PEG3: variants seen among roughly 807,000 people sequenced by gnomAD.
PEG3 encodes paternally expressed 3, also known as paternally-expressed gene 3 protein.
A neutral mutation model predicts 35.5 loss-of-function variants in PEG3; 23 were observed. The ratio of observed to expected loss-of-function variants is 0.65; its 90% CI spans 0.47 to 0.92. The LOEUF is 0.92. Ranked by LOEUF, PEG3 falls within the 40% of genes least tolerant of loss-of-function variation. PEG3 has a pLI of 0.00. For synonymous variants in PEG3, 707 were observed against 697.0 expected (o/e 1.01, Z -0.23); for missense variants, 1,960 against 1,985.3 (o/e 0.99, Z 0.24).
chr19:56,824,160 G>A, intron 4 of PEG3, 102 bp downstream of exon 4: 2 of 1,514,176 alleles, frequency 1.3e-6, no homozygotes, highest in East Asian at 2.3e-5. Flanking sequence ...GCCCAGGACA[G>A]AGAGTTATCC....
chr19:56,824,686 C>A lies in PEG3; in HGVS notation c.-31G>T. On this transcript the variant is annotated 5_prime_UTR_variant, in exon 4 of 10. Transcript: ENST00000326441. ...TAAGTAAAATTTTCACTGGAGGAAC[C>A]AAACATGAGTCAACAGGAAAGACGC... is the stretch of plus-strand genomic sequence containing the variant. 1.3e-6 allele frequency: 2 copies of A among 1,572,746 alleles called. No homozygotes were observed. Among genetic ancestry groups the A allele is most frequent in the South Asian group, 1.2e-5 (1 of 85,612 alleles).
chr19:56,816,600 A>C lies in PEG3; in HGVS notation c.1842T>G (p.Leu614=). 6.2e-7 allele frequency: 1 copy of C among 1,613,970 alleles called. No homozygotes were observed. The highest frequency in any genetic ancestry group is 8.5e-7 in the Non-Finnish European group (1 of 1,179,940). The change falls in exon 10 of 10, where the codon CTT becomes CTG. Residue 614 remains leucine, a synonymous_variant. Coordinates refer to ENST00000326441, the MANE Select transcript of PEG3 (RefSeq NM_006210.3). ...TACCATACATTTTCTGAAACTCATT[A>C]AGGGCTGGGCTGGGCCTAAAGGTTT... ...RGETFRPSPA[L]NEFQKMYGKE...
chr19:56,813,381 A>ATTT lies in PEG3; in HGVS notation c.*293_*294insAAA. 8.4e-7 allele frequency: 1 copy of ATTT among 1,186,550 alleles called. No individual in the cohort carries two copies. Among genetic ancestry groups the ATTT allele is most frequent in the East Asian group, 4.1e-5 (1 of 24,506 alleles). 73.5% of individuals were successfully genotyped at this position (1,186,550 alleles called of 1,614,324 possible). A position where few individuals can be genotyped will look rare whatever the true frequency, so the allele number is the denominator to read the frequency against. On this transcript the variant is annotated 3_prime_UTR_variant, in exon 10 of 10. Transcript: ENST00000326441. ...AGTGTCATTTACAGTTGATTTGGGC[A>ATTT]AACTCTGTAGTCTGGAATACTCATA...
intron 7 of PEG3, among the ~76,000 whole-genome samples, chr19:56,819,488 G>C (rs2060276255): frequency 6.6e-6 from 1 of 152,166 alleles, no homozygotes; most frequent in Non-Finnish European, 1.5e-5. Context: ...CTGGTTTCAG[G>C]GAGTCATGGT....
At chr19:56,818,560 A>G in intron 8 of PEG3, 40 bp downstream of exon 8, 9 of 1,608,794 alleles carry the variant, frequency 5.6e-6, no homozygotes, top group East Asian at 2.2e-5. Flanking sequence ...AAATGCTCCA[A>G]TGACTGGACT....
In PEG3 at chr19:56,823,617, G is replaced by A. The variant is rs778044630; in HGVS notation, c.457C>T (p.Pro153Ser). Residue 153 changes from proline (P) to serine (S), a missense_variant, in exon 5 of 10, where the codon CCA (proline) becomes TCA (serine). By Grantham distance (74) the Pro-to-Ser change is moderately conservative. Around this residue, in one of 5 missense-constraint regions of PEG3, gnomAD observed 613 missense variants for 577.1 expected, o/e 1.06. Transcript: ENST00000326441. ...CTGAAAGAATGGACTGAGTGAGGTG[G>A]TGAGGACTCTCTTCTGTTCCGGGTC... ...DMTRNRRESS[P>S]PHSVHSFSDR... is the part of the protein sequence containing the mutation. The A allele has an allele frequency of 1.1e-5, 17 of 1,614,004 alleles. No individual in the cohort carries two copies. Among genetic ancestry groups the A allele is most frequent in the Non-Finnish European group, 1.4e-5 (17 of 1,180,032 alleles).
At position 56,824,679 on chromosome 19, in the gene PEG3, G is replaced by C; in HGVS notation, c.-24C>G. On this transcript the variant is annotated 5_prime_UTR_variant, in exon 4 of 10. Transcript: ENST00000326441. ...ATTTCTCTAAGTAAAATTTTCACTG[G>C]AGGAACCAAACATGAGTCAACAGGA... The C allele has an allele frequency of 5.7e-6, 9 of 1,580,968 alleles. No individual in the cohort carries two copies. The highest frequency in any genetic ancestry group is 7.7e-6 in the Non-Finnish European group (9 of 1,161,902).
chr19:56,811,087 G>A lies in PEG3; in HGVS notation c.*2588C>T, dbSNP rs1335240674. ...AAGAGGAGAGTATATGTCTTTGGAT[G>A]GTGGGGATATGATTTTTTTTCCTCC... On this transcript the variant is annotated 3_prime_UTR_variant, in exon 10 of 10. Transcript: ENST00000326441. 4 of 984,706 alleles carry A rather than the reference G, an allele frequency of 4.1e-6. No homozygotes were observed. Among genetic ancestry groups the A allele is most frequent in the African/African-American group, 3.5e-5 (2 of 57,326 alleles). The allele number at this position is 984,706 out of a possible 1,614,324, so 61.0% of individuals were successfully genotyped here.
chr19:56,838,538 T>C (rs1039607038), intron 1 of PEG3, among the ~76,000 whole-genome samples: 1 of 151,954 alleles, frequency 6.6e-6, no homozygotes, highest in African/African-American at 2.4e-5. Context: ...ATACACAAGA[T>C]GGAACCACAC....
In PEG3 at chr19:56,814,204, A is replaced by T; in HGVS notation, c.4238T>A (p.Val1413Glu). 1 of 1,610,908 alleles carries T rather than the reference A, an allele frequency of 6.2e-7. No homozygotes were observed. The highest frequency in any genetic ancestry group is 8.5e-7 in the Non-Finnish European group (1 of 1,178,126). Reference sequence around the variant, plus strand: ...CTCTCCGTTTGGCTCAGCAGCCTCCACTTCTGGCTCAGCAGCCTCCACTTC... The same window carrying T: ...CTCTCCGTTTGGCTCAGCAGCCTCCTCTTCTGGCTCAGCAGCCTCCACTTC... ...EPEVEAAEPE[V>E]EAAEPNGEAE... Residue 1413 changes from valine to glutamate, a missense_variant, in exon 10 of 10, where the codon GTG becomes GAG. Val to Glu is a moderately radical substitution (Grantham distance 121). This residue lies in a region of PEG3 where 416 missense variants were observed against 416.7 expected (regional missense o/e 1.00). Coordinates refer to ENST00000326441, the MANE Select transcript of PEG3 (RefSeq NM_006210.3). The surrounding 1 kb of genome is among the most constrained non-coding windows in gnomAD (Gnocchi z 5.8).
At chr19:56,818,052 T>C (rs1310417180) in intron 8 of PEG3, among the ~76,000 whole-genome samples, 2 of 152,238 alleles carry the variant, frequency 1.3e-5, no homozygotes, top group Non-Finnish European at 2.9e-5. Context: ...CACTCAGAAA[T>C]GTGTACAAAG....
chr19:56,814,177 G>A lies in PEG3; in HGVS notation c.4265C>T (p.Ala1422Val). 1 of 1,614,070 alleles carries A rather than the reference G, an allele frequency of 6.2e-7. No individual in the cohort carries two copies. The highest frequency in any genetic ancestry group is 8.5e-7 in the Non-Finnish European group (1 of 1,180,034). Reference sequence around the variant, plus strand: ...TGCAGCCTCTCCATCTGGCCCTTCAGCCTCTCCGTTTGGCTCAGCAGCCTC... The same window carrying A: ...TGCAGCCTCTCCATCTGGCCCTTCAACCTCTCCGTTTGGCTCAGCAGCCTC... ...EVEAAEPNGE[A>V]EGPDGEAAEP... The change falls in exon 10 of 10, where the codon GCT (alanine) becomes GTT (valine). Residue 1422 changes from alanine (A) to valine (V), a missense_variant. Physicochemically the swap from Ala to Val is moderately conservative, Grantham distance 64. Transcript: ENST00000326441. This position sits in a 1 kb window ranked among gnomAD's most constrained non-coding sequence, Gnocchi z 5.8.
rs773857198 is a variant in PEG3 at position 56,811,815 on chromosome 19, G to A, written c.*1860C>T. 5 of 985,196 alleles carry A rather than the reference G, an allele frequency of 5.1e-6. No individual in the cohort carries two copies. The highest frequency in any genetic ancestry group is 4.8e-6 in the Non-Finnish European group (4 of 829,986). 61.0% of individuals were successfully genotyped at this position (985,196 alleles called of 1,614,324 possible). A position where few individuals can be genotyped will look rare whatever the true frequency, so the allele number is the denominator to read the frequency against. On this transcript the variant is annotated 3_prime_UTR_variant, in exon 10 of 10. Transcript: ENST00000326441. ...TTTTCCAAACTGCTCAGGACACCCC[G>A]CTCAATTCATTCTCAGAAACCTGGC...
chr19:56,826,025 G>C (rs1296532760), intron 3 of PEG3, among the ~76,000 whole-genome samples: 1 of 152,140 alleles, frequency 6.6e-6, no homozygotes, highest in African/African-American at 2.4e-5. Context: ...ACCATCCAAT[G>C]CAAATGCCTC....
rs200998688 is a variant in PEG3, at chr19:56,815,312, C to T, written c.3130G>A (p.Glu1044Lys). The T allele has an allele frequency of 4.0e-4, 642 of 1,614,236 alleles. 5 individuals carry two copies. The highest frequency in any genetic ancestry group is 2.6e-3 in the South Asian group (235 of 91,088). ...ATTTTCTGGTTTGTGTTGAGGTCTT[C>T]GCTGGTAGCAAAAAATTGTCTGAAG... is the stretch of plus-strand genomic sequence containing the variant. ...KDFRQFFATS[E>K]DLNTNQKIYD... Residue 1044 changes from glutamate (E) to lysine (K), a missense_variant, in exon 10 of 10, where the codon GAA (glutamate) becomes AAA (lysine). By Grantham distance (56) the Glu-to-Lys change is moderately conservative (BLOSUM62 1). Around this residue, in one of 5 missense-constraint regions of PEG3, gnomAD observed 798 missense variants for 782.4 expected, o/e 1.02. Coordinates refer to ENST00000326441, the MANE Select transcript of PEG3 (RefSeq NM_006210.3).
Position 56,816,234 on chromosome 19 carries a change from A to G in PEG3, c.2208T>C (p.Thr736=). The G allele has an allele frequency of 6.2e-7, 1 of 1,614,190 alleles. No individual in the cohort carries two copies. The highest frequency in any genetic ancestry group is 1.1e-5 in the South Asian group (1 of 91,084). ...CATCACTTTCAAGAGGTCTTGTTAT[A>G]GTATGACTCTTCTGAGATTCAGTGA... ...GPFTESQKSH[T]ITRPLESDED... Residue 736 remains threonine, a synonymous_variant, in exon 10 of 10, where the codon ACT becomes ACC. Coordinates refer to ENST00000326441, the MANE Select transcript of PEG3 (RefSeq NM_006210.3).
intron 6 of PEG3, among the ~76,000 whole-genome samples, chr19:56,822,090 TG>T (rs2060548007): frequency 6.6e-6 from 1 of 152,142 alleles, no homozygotes; most frequent in South Asian, 2.1e-4. Context: ...CTGCAATGTG[TG>T]ACAGGGAGAT....
At chr19:56,835,940 AG>A in intron 2 of PEG3, 77 bp downstream of exon 2, 1 of 464,850 alleles carries the variant, frequency 2.2e-6, no homozygotes, top group Non-Finnish European at 4.3e-6. Flanking sequence ...CATATGCAGT[AG>A]GAAAGTGTCA....
At chr19:56,836,493 T>C (rs2062119336) in intron 1 of PEG3, among the ~76,000 whole-genome samples, 2 of 152,152 alleles carry the variant, frequency 1.3e-5, no homozygotes, top group South Asian at 4.1e-4. Flanking sequence ...ACGTAAAATA[T>C]TTTAGGGTTT....
Sources: allele counts gnomAD v4.1 joint callset (sites outside exome capture counted in the v4.1 genomes callset), GRCh38; gene constraint gnomAD v4.1.1; regional missense constraint gnomAD v4.1.1; non-coding constraint Gnocchi (gnomAD v3.1); transcripts MANE v1.5; gene names NCBI Gene and HGNC (gene_info 2026-07-23, HGNC 2026-07-21).